ADAM32: variants seen among roughly 807,000 people sequenced by gnomAD.
ADAM32 encodes ADAM metallopeptidase domain 32, also known as disintegrin and metalloproteinase domain-containing protein 32.
In ADAM32, 89 loss-of-function variants were observed where a neutral mutation model predicts 114.9. That is an observed-to-expected ratio of 0.77 (90% CI 0.65 to 0.92). The LOEUF (loss-of-function observed/expected upper bound fraction) is 0.92, where lower values mean the gene tolerates loss of function less well. ADAM32 is among the 40% of genes least tolerant of loss of function. The pLI, the probability that ADAM32 is intolerant of heterozygous loss-of-function variation, is 0.00. For missense variants in ADAM32, 870 were observed against 932.8 expected, an observed-to-expected ratio of 0.93 and a Z score of 0.88; for synonymous variants, 285 against 307.5, an observed-to-expected ratio of 0.93 and a Z score of 0.77.
intron 2 of ADAM32, among the ~76,000 whole-genome samples, chr8:39,124,420 T>TA (rs1218498426): frequency 6.6e-6 from 1 of 151,628 alleles, no homozygotes; most frequent in Non-Finnish European, 1.5e-5. Context: ...TTTTCTTTTT[T>TA]TTTTTTTTTA....
chr8:39,123,704 C>CTT (rs34747712), intron 2 of ADAM32, among the ~76,000 whole-genome samples: 4,934 of 132,124 alleles, frequency 0.037, 364 homozygotes, highest in African/African-American at 0.13. Flanking sequence ...ATTTTCTTTC[C>CTT]TTTTTTTTTT....
At chr8:39,211,843 T>A (rs1456104345) in intron 12 of ADAM32, among the ~76,000 whole-genome samples, 1 of 152,202 alleles carries the variant, frequency 6.6e-6, no homozygotes, top group Non-Finnish European at 1.5e-5. Context: ...GTAGCAGTAC[T>A]GCAAATGTTA....
intron 16 of ADAM32, among the ~76,000 whole-genome samples, chr8:39,240,785 C>T (rs1260030424): frequency 6.6e-6 from 1 of 152,140 alleles, no homozygotes; most frequent in Non-Finnish European, 1.5e-5. Context: ...TACCTTCCAA[C>T]ACATGGGAAT....
intron 11 of ADAM32, among the ~76,000 whole-genome samples, chr8:39,207,760 A>G (rs898291541): frequency 6.6e-6 from 1 of 152,062 alleles, no homozygotes; most frequent in Non-Finnish European, 1.5e-5. Flanking sequence ...CTCTATTTTT[A>G]TGAAATCAAC....
chr8:39,112,696 C>A (rs1283810169), intron 1 of ADAM32, among the ~76,000 whole-genome samples: 1 of 152,132 alleles, frequency 6.6e-6, no homozygotes, highest in African/African-American at 2.4e-5. Flanking sequence ...TAAACTATCA[C>A]CACCCCCTTG....
intron 17 of ADAM32, among the ~76,000 whole-genome samples, chr8:39,250,716 C>T (rs1263267044): frequency 6.6e-6 from 1 of 151,824 alleles, no homozygotes; most frequent in Non-Finnish European, 1.5e-5. Flanking sequence ...TTGAAATATA[C>T]AATAGGTTAT....
chr8:39,236,550 A>G (rs1810157088), intron 16 of ADAM32, among the ~76,000 whole-genome samples: 1 of 152,218 alleles, frequency 6.6e-6, no homozygotes, highest in African/African-American at 2.4e-5. Context: ...TGAAAAATAC[A>G]AAAAAGTATT....
At chr8:39,191,246 T>C (rs1268515876) in intron 11 of ADAM32, among the ~76,000 whole-genome samples, 1 of 152,248 alleles carries the variant, frequency 6.6e-6, no homozygotes, top group Admixed American at 6.5e-5. Context: ...TAGAACGATT[T>C]ATATTCCTTT....
chr8:39,257,405 G>C, intron 19 of ADAM32, 62 bp downstream of exon 19: 1 of 1,558,158 alleles, frequency 6.4e-7, no homozygotes, highest in Non-Finnish European at 8.7e-7. Context: ...TTATATGTAA[G>C]ACAATATCAC....
chr8:39,160,739 C>T (rs1364367756), intron 6 of ADAM32, among the ~76,000 whole-genome samples, 158 bp from the exon 7 acceptor site: 1 of 152,040 alleles, frequency 6.6e-6, no homozygotes, highest in East Asian at 1.9e-4. Flanking sequence ...AGTACATTGC[C>T]ATAAAACTTA....
intron 3 of ADAM32, among the ~76,000 whole-genome samples, chr8:39,138,591 G>C (rs1316265901): frequency 6.6e-6 from 1 of 152,116 alleles, no homozygotes; most frequent in East Asian, 1.9e-4. Flanking sequence ...CTTTTGGGTT[G>C]GTTCCAAGTC....
chr8:39,214,581 G>A (rs1200441155), intron 12 of ADAM32, among the ~76,000 whole-genome samples: 2 of 152,012 alleles, frequency 1.3e-5, no homozygotes, highest in Non-Finnish European at 2.9e-5. Flanking sequence ...TTATGTTCTG[G>A]ATATTAATCC....
chr8:39,274,252 C>T (rs1443413747), intron 20 of ADAM32, 60 bp from the exon 21 acceptor site: 1 of 1,518,268 alleles, frequency 6.6e-7, no homozygotes, highest in African/African-American at 1.4e-5. Flanking sequence ...GATTTTCATT[C>T]ATGAAGTTGG....
At chr8:39,201,344 TC>T (rs1252532962) in intron 11 of ADAM32, among the ~76,000 whole-genome samples, 1 of 152,220 alleles carries the variant, frequency 6.6e-6, no homozygotes, top group Non-Finnish European at 1.5e-5. Context: ...GTAGTTCACA[TC>T]CCCTGTAAGT....
At chr8:39,179,050 G>C (rs1381663250) in intron 10 of ADAM32, among the ~76,000 whole-genome samples, 6 of 152,206 alleles carry the variant, frequency 3.9e-5, no homozygotes, top group Non-Finnish European at 8.8e-5. Context: ...TCCCTTCACA[G>C]AGCAGATGTG....
At chr8:39,267,183 G>A (rs914494252) in intron 19 of ADAM32, among the ~76,000 whole-genome samples, 4 of 152,220 alleles carry the variant, frequency 2.6e-5, no homozygotes, top group Admixed American at 2.6e-4. Context: ...GGTGGTGAGG[G>A]TTCTGTGTGC....
intron 11 of ADAM32, among the ~76,000 whole-genome samples, chr8:39,206,453 A>G (rs1378505677): frequency 6.6e-6 from 1 of 152,178 alleles, no homozygotes; most frequent in Admixed American, 6.5e-5. Context: ...TGAAGTCAGC[A>G]GGTGGGGCAA....
chr8:39,271,017 A>G, intron 20 of ADAM32, 103 bp downstream of exon 20: 1 of 1,030,382 alleles, frequency 9.7e-7, no homozygotes, highest in East Asian at 2.6e-5. Context: ...CAATTGGTAA[A>G]GCAATGCACT....
chr8:39,149,140 T>C (rs1803674529), intron 4 of ADAM32, among the ~76,000 whole-genome samples: 1 of 152,178 alleles, frequency 6.6e-6, no homozygotes, highest in Non-Finnish European at 1.5e-5. Context: ...CTAAGAGAAA[T>C]TAACTTTAAA....
Sources: gnomAD v4.1 joint callset for allele counts (sites outside exome capture counted in the v4.1 genomes callset) on GRCh38, gnomAD v4.1.1 for gene constraint, MANE v1.5 for transcripts, NCBI Gene and HGNC (gene_info 2026-07-23, HGNC 2026-07-21) for gene names.